Variants in XRCC4 observed in about 807,000 individuals in gnomAD.
XRCC4 encodes DNA repair protein XRCC4.
In XRCC4, 28 loss-of-function variants were observed where a neutral mutation model predicts 39.1. The observed-to-expected ratio is 0.72, with a 90% CI of 0.53 to 0.98. The LOEUF is 0.98. Among genes scored for constraint, XRCC4 ranks in the 50% least tolerant of loss-of-function variants. XRCC4 has a pLI of 0.00. For synonymous variants in XRCC4, 123 were observed against 126.4 expected (o/e 0.97, Z 0.18); for missense variants, 350 against 376.4 (o/e 0.93, Z 0.58).
chr5:83,191,356 C>T (rs1375895299), intron 3 of XRCC4, among the ~76,000 whole-genome samples: 1 of 152,076 alleles, frequency 6.6e-6, no homozygotes, highest in Non-Finnish European at 1.5e-5. Flanking sequence ...AGGGGCAGGT[C>T]TTTCCTGTGC....
chr5:83,177,280 A>C (rs184401810), intron 3 of XRCC4, among the ~76,000 whole-genome samples: 10 of 152,304 alleles, frequency 6.6e-5, no homozygotes, highest in Admixed American at 1.3e-4. Context: ...ACAAGAAATA[A>C]GGAAGAGGAA....
intron 6 of XRCC4, among the ~76,000 whole-genome samples, chr5:83,228,607 A>G (rs1269029373): frequency 1.3e-5 from 2 of 152,088 alleles, no homozygotes; most frequent in Non-Finnish European, 2.9e-5. Flanking sequence ...GTCTCTAAAC[A>G]TTATTTTGAA....
chr5:83,224,760 C>G (rs571696341), intron 6 of XRCC4, among the ~76,000 whole-genome samples: 10 of 152,186 alleles, frequency 6.6e-5, no homozygotes, highest in African/African-American at 2.2e-4. Flanking sequence ...TTGTTGAATT[C>G]CTCTGCGGAA....
chr5:83,124,049 G>A (rs999255632), intron 3 of XRCC4, among the ~76,000 whole-genome samples: 2 of 152,110 alleles, frequency 1.3e-5, no homozygotes, highest in Non-Finnish European at 2.9e-5. Flanking sequence ...ATTGAAAGCA[G>A]GAAATTGACT....
At chr5:83,100,765 C>T (rs1745892705) in intron 1 of XRCC4, among the ~76,000 whole-genome samples, 1 of 147,014 alleles carries the variant, frequency 6.8e-6, no homozygotes, top group African/African-American at 2.5e-5. Context: ...TTATGTAAGC[C>T]TTGAACTATA....
intron 7 of XRCC4, among the ~76,000 whole-genome samples, chr5:83,269,973 C>T (rs1173991138): frequency 6.6e-6 from 1 of 151,404 alleles, no homozygotes. Context: ...ATACAACTCA[C>T]CATAATGTAG....
intron 3 of XRCC4, among the ~76,000 whole-genome samples, chr5:83,157,965 A>G (rs1749039295): frequency 6.6e-6 from 1 of 152,068 alleles, no homozygotes; most frequent in Non-Finnish European, 1.5e-5. Context: ...TGTTTTCCCC[A>G]CTTGCTTTTT....
At chr5:83,344,517 G>A (rs138068494) in intron 7 of XRCC4, among the ~76,000 whole-genome samples, 260 of 141,600 alleles carry the variant, frequency 1.8e-3, no homozygotes, top group Non-Finnish European at 2.9e-3. Flanking sequence ...TGATCCTCCC[G>A]CCTCAGCCTC....
At chr5:83,177,366 C>T (rs1461066595) in intron 3 of XRCC4, among the ~76,000 whole-genome samples, 4 of 151,292 alleles carry the variant, frequency 2.6e-5, no homozygotes, top group South Asian at 4.2e-4. Flanking sequence ...GAATTGATTA[C>T]GTTGCTCCCA....
chr5:83,110,001 G>C (rs1325731102), intron 2 of XRCC4, among the ~76,000 whole-genome samples: 1 of 151,992 alleles, frequency 6.6e-6, no homozygotes, highest in Non-Finnish European at 1.5e-5. Context: ...GTTATGTGTG[G>C]ATGGGAGGTT....
At chr5:83,306,475 C>T (rs780493416) in intron 7 of XRCC4, among the ~76,000 whole-genome samples, 1 of 145,220 alleles carries the variant, frequency 6.9e-6, no homozygotes, top group South Asian at 2.3e-4. Flanking sequence ...AAACATTCAA[C>T]TTATCAAGTA....
intron 7 of XRCC4, among the ~76,000 whole-genome samples, chr5:83,281,116 G>C (rs1754521397): frequency 6.6e-6 from 1 of 152,206 alleles, no homozygotes; most frequent in African/African-American, 2.4e-5. Flanking sequence ...AGAATATCAA[G>C]CAATATAAGG....
chr5:83,135,719 GT>G (rs963846982), intron 3 of XRCC4, among the ~76,000 whole-genome samples: 2 of 151,412 alleles, frequency 1.3e-5, no homozygotes, highest in Admixed American at 1.3e-4. Context: ...CTAATGTGTT[GT>G]TTTTTTCATC....
Position 83,162,088 on chromosome 5 carries a change from A to T in XRCC4, c.316-33682A>T, listed in dbSNP as rs573390890. 1.9e-3 allele frequency among the ~76,000 whole-genome samples: 288 copies of T among 152,214 alleles called. 1 individual carries two copies. The highest frequency in any genetic ancestry group is 6.7e-3 in the African/African-American group (279 of 41,532). On this transcript the variant is annotated intron_variant, in intron 3 of 7. Transcript: ENST00000396027. The stretch of plus-strand genomic sequence containing the variant: ...AGGCTGAGGCAGGAGTGTGGCATGA[A>T]CCCGGGAGGCAGAGCTTGCAGTGAG...
At chr5:83,371,811 A>G in the XRCC4 span, among the ~76,000 whole-genome samples, 1 of 152,194 alleles carries the variant, frequency 6.6e-6, no homozygotes, top group Non-Finnish European at 1.5e-5. Flanking sequence ...ATCCTTTGTA[A>G]GAAGGTCGGA....
intron 6 of XRCC4, among the ~76,000 whole-genome samples, chr5:83,235,738 G>A (rs919668182): frequency 2.0e-5 from 3 of 151,786 alleles, no homozygotes; most frequent in Non-Finnish European, 4.4e-5. Context: ...TTAGGCAAGG[G>A]AAAGAAATTA....
intron 3 of XRCC4, among the ~76,000 whole-genome samples, chr5:83,180,748 C>T (rs1447785221): frequency 1.3e-5 from 2 of 152,084 alleles, no homozygotes; most frequent in Non-Finnish European, 2.9e-5. Flanking sequence ...AGAGGTCATT[C>T]ATTCTATTCT....
intron 3 of XRCC4, among the ~76,000 whole-genome samples, chr5:83,170,860 G>T (rs544355723): frequency 1.2e-4 from 18 of 152,196 alleles, no homozygotes; most frequent in African/African-American, 3.9e-4. Context: ...ATATACCAGC[G>T]GGCGGGAATC....
Position 83,157,039 on chromosome 5 carries a change from C to T in XRCC4, c.316-38731C>T, listed in dbSNP as rs372481813. Among the ~76,000 whole-genome samples, 29 of 152,150 alleles carry T rather than the reference C, an allele frequency of 1.9e-4. No homozygotes were observed. In the South Asian group the frequency reaches 6.0e-3, roughly 32 times the overall value. ...GAAAAAAAAATCAGGATTCACAATA[C>T]TAAACACTGGTAAAGGAAGATTGAG... is the stretch of plus-strand genomic sequence containing the variant. On this transcript the variant is annotated intron_variant, in intron 3 of 7. Transcript: ENST00000396027.
Sources: allele counts gnomAD v4.1 joint callset (sites outside exome capture counted in the v4.1 genomes callset), GRCh38; gene constraint gnomAD v4.1.1; transcripts MANE v1.5; gene names NCBI Gene and HGNC (gene_info 2026-07-23, HGNC 2026-07-21).